Variants in PDZRN4 observed in about 807,000 individuals in gnomAD.
The protein encoded by PDZRN4 is PDZ domain-containing RING finger protein 4.
Under a neutral mutation model 99.0 loss-of-function variants are expected in PDZRN4, and 70 were observed. The ratio of observed to expected loss-of-function variants is 0.71; its 90% CI spans 0.58 to 0.86. The LOEUF is 0.86. PDZRN4 is among the 40% of genes least tolerant of loss of function. PDZRN4 has a pLI of 0.00. For synonymous variants in PDZRN4, 551 were observed against 501.6 expected (o/e 1.10, Z -1.32); for missense variants, 1,474 against 1,331.2 (o/e 1.11, Z -1.67).
intron 3 of PDZRN4, among the ~76,000 whole-genome samples, chr12:41,389,739 C>T (rs1161818274): frequency 6.6e-6 from 1 of 152,230 alleles, no homozygotes; most frequent in Admixed American, 6.5e-5. Flanking sequence ...TATGACTTGT[C>T]AATTCTTAAC....
At chr12:41,366,285 G>T (rs973224725) in intron 3 of PDZRN4, among the ~76,000 whole-genome samples, 3 of 152,094 alleles carry the variant, frequency 2.0e-5, no homozygotes, top group Admixed American at 6.6e-5. Context: ...TACAATTTTT[G>T]CAGGGAATGA....
In PDZRN4 at chr12:41,508,296, C is replaced by G. The variant is rs975347468; in HGVS notation, c.1101-1515C>G. ...TCTTCCTAGGTCCTGCAGACCTTAGCTTAGAGACAACCTCCTCTAGAAAAC... is the reference window on the plus strand; with the variant it reads ...TCTTCCTAGGTCCTGCAGACCTTAGGTTAGAGACAACCTCCTCTAGAAAAC... On this transcript the variant is annotated intron_variant, in intron 4 of 9. Transcript: ENST00000402685. Among the ~76,000 whole-genome samples, 3 of 152,258 alleles carry G rather than the reference C, an allele frequency of 2.0e-5. No individual in the cohort carries two copies. The East Asian group carries it at 5.8e-4, about 30-fold the overall frequency.
intron 9 of PDZRN4, among the ~76,000 whole-genome samples, chr12:41,570,057 A>G (rs749727566): frequency 6.6e-6 from 1 of 152,144 alleles, no homozygotes; most frequent in Non-Finnish European, 1.5e-5. Context: ...AAGCAGGGAG[A>G]AATCCTGTCC....
At chr12:41,365,654 T>A (rs1216862878) in intron 3 of PDZRN4, among the ~76,000 whole-genome samples, 4 of 152,070 alleles carry the variant, frequency 2.6e-5, no homozygotes, top group African/African-American at 9.7e-5. Context: ...ATATTCCCTT[T>A]CCCCTCTTTG....
At chr12:41,284,379 A>C (rs1951408594) in intron 3 of PDZRN4, among the ~76,000 whole-genome samples, 1 of 152,176 alleles carries the variant, frequency 6.6e-6, no homozygotes, top group African/African-American at 2.4e-5. Flanking sequence ...AAATAGAAAA[A>C]CATCCCATGC....
At chr12:41,269,161 T>C in intron 3 of PDZRN4, among the ~76,000 whole-genome samples, 1 of 152,174 alleles carries the variant, frequency 6.6e-6, no homozygotes, top group East Asian at 1.9e-4. Context: ...GTTCTGAAGC[T>C]AAGAACAGTA....
intron 3 of PDZRN4, among the ~76,000 whole-genome samples, chr12:41,252,514 G>A (rs117930717): frequency 0.013 from 1,926 of 152,260 alleles, 56 homozygotes; most frequent in East Asian, 0.1. Flanking sequence ...TTGGGAGGCC[G>A]AAGCAGGGGG....
At chr12:41,307,596 C>T (rs933206345) in intron 3 of PDZRN4, among the ~76,000 whole-genome samples, 4 of 131,872 alleles carry the variant, frequency 3.0e-5, no homozygotes, top group Non-Finnish European at 4.8e-5. Flanking sequence ...GAAGAAGGAA[C>T]TTTGGAGAGC....
intron 3 of PDZRN4, among the ~76,000 whole-genome samples, chr12:41,454,861 C>T (rs1049221366): frequency 5.3e-5 from 8 of 152,150 alleles, no homozygotes; most frequent in East Asian, 1.9e-4. Flanking sequence ...GAAATATCTG[C>T]GATAATGGAA....
chr12:41,391,902 T>A (rs1952213330), intron 3 of PDZRN4, among the ~76,000 whole-genome samples: 1 of 151,898 alleles, frequency 6.6e-6, no homozygotes, highest in Non-Finnish European at 1.5e-5. Context: ...AGCCCTGGAG[T>A]GGTGTTTGTT....
chr12:41,200,727 G>A (rs1950809485), intron 3 of PDZRN4, among the ~76,000 whole-genome samples: 1 of 152,018 alleles, frequency 6.6e-6, no homozygotes, highest in Admixed American at 6.6e-5. Context: ...TCCAAATTGG[G>A]GCCTTAACAT....
chr12:41,434,683 A>G (rs1190841066), intron 3 of PDZRN4, among the ~76,000 whole-genome samples: 2 of 152,152 alleles, frequency 1.3e-5, no homozygotes, highest in Non-Finnish European at 2.9e-5. Context: ...TGTGGAGTAA[A>G]CTCACACAAA....
intron 3 of PDZRN4, among the ~76,000 whole-genome samples, chr12:41,477,197 G>A (rs1281299596): frequency 1.3e-5 from 2 of 152,188 alleles, no homozygotes; most frequent in South Asian, 4.1e-4. Context: ...TTTAATTGCA[G>A]ATTAAAGATT....
intron 3 of PDZRN4, among the ~76,000 whole-genome samples, chr12:41,298,851 A>G (rs1476431715): frequency 6.6e-6 from 1 of 152,148 alleles, no homozygotes; most frequent in African/African-American, 2.4e-5. Flanking sequence ...TTTCTTTGAG[A>G]AAGCAACATA....
intron 3 of PDZRN4, among the ~76,000 whole-genome samples, chr12:41,253,202 G>A (rs1951182451): frequency 6.6e-6 from 1 of 151,994 alleles, no homozygotes; most frequent in African/African-American, 2.4e-5. Flanking sequence ...TTTTGCTTTG[G>A]TTGCCTGTGC....
At chr12:41,527,142 G>A (rs1338758122) in intron 5 of PDZRN4, among the ~76,000 whole-genome samples, 1 of 152,184 alleles carries the variant, frequency 6.6e-6, no homozygotes, top group East Asian at 1.9e-4. Context: ...AATGGGCAGT[G>A]AGGAAATGAT....
At chr12:41,269,024 T>G (rs567363421) in intron 3 of PDZRN4, among the ~76,000 whole-genome samples, 2 of 152,188 alleles carry the variant, frequency 1.3e-5, no homozygotes, top group South Asian at 4.1e-4. Context: ...GCTCCTGCCT[T>G]GAGCTTGGAG....
chr12:41,359,772 C>T (rs1189204517), intron 3 of PDZRN4, among the ~76,000 whole-genome samples: 1 of 151,958 alleles, frequency 6.6e-6, no homozygotes, highest in Non-Finnish European at 1.5e-5. Flanking sequence ...GTAAATTACC[C>T]AGTCTTGAGT....
In PDZRN4 at chr12:41,524,059, A is replaced by T. The variant is rs200886665; in HGVS notation, c.1203+14146A>T. On this transcript the variant is annotated intron_variant, in intron 5 of 9. Coordinates refer to ENST00000402685, the MANE Select transcript of PDZRN4 (RefSeq NM_001164595.2). ...ATAAAAATTAGTTGCACTTCTGTAC[A>T]CTAACAAGGAACTGTCTGAAAAGGA... 7.2e-5 allele frequency among the ~76,000 whole-genome samples: 11 copies of T among 152,300 alleles called. No homozygotes were observed. In the East Asian group the frequency reaches 2.1e-3, roughly 29 times the overall value.
Sources: allele counts gnomAD v4.1 joint callset (sites outside exome capture counted in the v4.1 genomes callset), GRCh38; gene constraint gnomAD v4.1.1; transcripts MANE v1.5; gene names NCBI Gene and HGNC (gene_info 2026-07-23, HGNC 2026-07-21).